Variants in CARMIL3 observed in about 807,000 individuals in gnomAD.
CARMIL3 encodes the protein capping protein, Arp2/3 and myosin-I linker protein 3.
Under a neutral mutation model 180.8 loss-of-function variants are expected in CARMIL3, and 88 were observed. The observed-to-expected ratio is 0.49, with a 90% CI of 0.41 to 0.58. The LOEUF (loss-of-function observed/expected upper bound fraction) is 0.58, where lower values mean the gene tolerates loss of function less well. Ranked by LOEUF, CARMIL3 falls within the 20% of genes least tolerant of loss-of-function variation. The pLI is 0.00. For synonymous variants in CARMIL3, 696 were observed against 714.5 expected (o/e 0.97, Z 0.41); for missense variants, 1,548 against 1,787.0 (o/e 0.87, Z 2.41).
At position 24,057,038 on chromosome 14, in the gene CARMIL3, A is replaced by T; in HGVS notation, c.1062+14A>T. The T allele has an allele frequency of 6.2e-7, 1 of 1,610,456 alleles. No individual in the cohort carries two copies. On this transcript the variant is annotated intron_variant, in intron 13 of 39. Transcript: ENST00000342740. ...GATGAGGCCAATGTGAGTCCTCAGA[A>T]CAGCCTCAGCCCCCTGCAGAAAGCA...
chr14:24,057,644 A>G (rs2138723455), intron 14 of CARMIL3, among the ~76,000 whole-genome samples, 159 bp from the exon 15 acceptor site: 1 of 152,056 alleles, frequency 6.6e-6, no homozygotes, highest in East Asian at 1.9e-4. Flanking sequence ...GAAAACAGAG[A>G]CTTCAAGAAT....
At position 24,059,970 on chromosome 14, in the gene CARMIL3, C is replaced by G; in HGVS notation, c.1869C>G (p.Ser623Arg). Reference sequence around the variant, plus strand: ...CCAGCTGTGCCCCTGTGTCCCACAGCAACCACACGCTGCGCTTCATGTCCT... The same window carrying G: ...CCAGCTGTGCCCCTGTGTCCCACAGGAACCACACGCTGCGCTTCATGTCCT... ...GFLDIARALE[S>R]NHTLRFMSFP... is the part of the protein sequence containing the mutation. The change falls in exon 23 of 40, where the codon AGC (serine) becomes AGG (arginine). Residue 623 changes from serine (S) to arginine (R), a missense_variant and splice_region_variant. Coordinates refer to ENST00000342740, the MANE Select transcript of CARMIL3 (RefSeq NM_138360.4). The surrounding 1 kb of genome is among the most constrained non-coding windows in gnomAD (Gnocchi z 6.3). 6.2e-7 allele frequency: 1 copy of G among 1,613,922 alleles called. No individual in the cohort carries two copies. Among genetic ancestry groups the G allele is most frequent in the Non-Finnish European group, 8.5e-7 (1 of 1,179,974 alleles).
chr14:24,060,606 C>T (rs765192773), intron 24 of CARMIL3, 22 bp from the exon 25 acceptor site: 5 of 1,611,628 alleles, frequency 3.1e-6, no homozygotes, highest in Non-Finnish European at 4.2e-6. Context: ...GTCCCCTTGA[C>T]ACCCCTGCCA....
At chr14:24,064,448 C>T in intron 32 of CARMIL3, 102 bp downstream of exon 32, 1 of 828,132 alleles carries the variant, frequency 1.2e-6, no homozygotes, top group Non-Finnish European at 2.0e-6. Context: ...ACAGCAGTGC[C>T]CAAAGCCAGT....
chr14:24,060,314 GT>G, intron 24 of CARMIL3, 59 bp downstream of exon 24: 1 of 1,581,752 alleles, frequency 6.3e-7, no homozygotes, highest in Non-Finnish European at 8.7e-7. Flanking sequence ...ACAGTGTGAT[GT>G]GATGGAAAAT....
Position 24,058,248 on chromosome 14 carries a change from T to G in CARMIL3, c.1392+24T>G. ...AGGTGAGCCCTCAGTCCCCAACCCCTCTGCCCGCCTCCGATCCATGTGCAT... is the reference window on the plus strand; with the variant it reads ...AGGTGAGCCCTCAGTCCCCAACCCCGCTGCCCGCCTCCGATCCATGTGCAT... On this transcript the variant is annotated intron_variant, in intron 17 of 39. Coordinates refer to ENST00000342740, the MANE Select transcript of CARMIL3 (RefSeq NM_138360.4). The surrounding 1 kb of genome is among the most constrained non-coding windows in gnomAD (Gnocchi z 6.4). 6.2e-7 allele frequency: 1 copy of G among 1,606,178 alleles called. No individual in the cohort carries two copies. The highest frequency in any genetic ancestry group is 8.5e-7 in the Non-Finnish European group (1 of 1,176,304).
Position 24,059,471 on chromosome 14 carries a change from T to TGGAGCCCCAGCCCC in CARMIL3, c.1799+30_1799+43dup. On this transcript the variant is annotated intron_variant, in intron 21 of 39. Transcript: ENST00000342740. This position sits in a 1 kb window ranked among gnomAD's most constrained non-coding sequence, Gnocchi z 6.3. ...GGGCCCACACCGGGACCCCCTGACC[T>TGGAGCCCCAGCCCC]GGAGCCCCAGCCCCTCCCCATATGT... 5 of 1,551,612 alleles carry TGGAGCCCCAGCCCC rather than the reference T, an allele frequency of 3.2e-6. No homozygotes were observed. The South Asian group carries it at 5.9e-5, about 18-fold the overall frequency.
At position 24,055,576 on chromosome 14, in the gene CARMIL3, C is replaced by T. The variant is rs1335081097; in HGVS notation, c.639C>T (p.Tyr213=). The change falls in exon 9 of 40, where the codon TAC becomes TAT. Residue 213 remains tyrosine (Y), a synonymous_variant. Coordinates refer to ENST00000342740, the MANE Select transcript of CARMIL3 (RefSeq NM_138360.4). ...CCCTAATGGTAGCAGCCCTGGCCTACAACCAGTGGTTCACCAAACTCTACT... is the reference window on the plus strand; with the variant it reads ...CCCTAATGGTAGCAGCCCTGGCCTATAACCAGTGGTTCACCAAACTCTACT... ...DLALMVAALA[Y]NQWFTKLYCK... 2.0e-5 allele frequency: 32 copies of T among 1,614,068 alleles called. No individual in the cohort carries two copies. Among genetic ancestry groups the T allele is most frequent in the Non-Finnish European group, 2.5e-5 (29 of 1,180,032 alleles).
At position 24,059,580 on chromosome 14, in the gene CARMIL3, TA is replaced by T. The variant is rs1426228521; in HGVS notation, c.1800-83del. 6.4e-7 allele frequency: 1 copy of T among 1,556,196 alleles called. No individual in the cohort carries two copies. Among genetic ancestry groups the T allele is most frequent in the East Asian group, 2.3e-5 (1 of 43,144 alleles). The stretch of plus-strand genomic sequence containing the variant: ...CCCAGAACCATCTCTGAGTCAGCCT[TA>T]TTGCCCCAAGAGGTTTGTGTCCCTG... On this transcript the variant is annotated intron_variant, in intron 21 of 39. Coordinates refer to ENST00000342740, the MANE Select transcript of CARMIL3 (RefSeq NM_138360.4). The surrounding 1 kb of genome is among the most constrained non-coding windows in gnomAD (Gnocchi z 6.3).
intron 24 of CARMIL3, 140 bp downstream of exon 24, chr14:24,060,395 G>A: frequency 8.9e-7 from 1 of 1,123,276 alleles, no homozygotes; most frequent in Non-Finnish European, 1.3e-6. Context: ...GAAGCAAAAA[G>A]AGAGGACATG....
In CARMIL3 at chr14:24,062,340, TCAG is replaced by T. The variant is rs2035740571; in HGVS notation, c.2481-135_2481-133del. 1.6e-5 allele frequency: 13 copies of T among 790,298 alleles called. No individual in the cohort carries two copies. The Admixed American group carries it at 2.4e-4, about 14-fold the overall frequency. The allele number at this position is 790,298 out of a possible 1,614,324, so 49.0% of individuals were successfully genotyped here. On this transcript the variant is annotated intron_variant, in intron 27 of 39. Coordinates refer to ENST00000342740, the MANE Select transcript of CARMIL3 (RefSeq NM_138360.4). ...AGTGTCAAGGGCTAGGCTGCCTCCT[TCAG>T]CAGCCACATGCGCTCCATGGGCAGA...
At chr14:24,052,376 C>T (rs1431852465) in intron 1 of CARMIL3, among the ~76,000 whole-genome samples, 183 bp downstream of exon 1, 1 of 152,232 alleles carries the variant, frequency 6.6e-6, no homozygotes, top group Admixed American at 6.5e-5. Flanking sequence ...CCGCTGCCTG[C>T]CTCGCCTCAC....
chr14:24,054,272 C>T lies in CARMIL3; in HGVS notation c.217C>T (p.Arg73Cys), dbSNP rs368259708. The T allele has an allele frequency of 2.5e-5, 40 of 1,614,062 alleles. No homozygotes were observed. In the African/African-American group the frequency reaches 2.7e-4, roughly 11 times the overall value. The change falls in exon 4 of 40, where the codon CGT becomes TGT. Residue 73 changes from arginine to cysteine, a missense_variant. By Grantham distance (180) the Arg-to-Cys change is radical. Coordinates refer to ENST00000342740, the MANE Select transcript of CARMIL3 (RefSeq NM_138360.4). This position sits in a 1 kb window ranked among gnomAD's most constrained non-coding sequence, Gnocchi z 5.1. ...VESSFNVLEIRAFNTLSQNQI... is the reference protein window; with the variant it reads ...VESSFNVLEICAFNTLSQNQI... ...GAGCTCCTTCAATGTCCTGGAGATC[C>T]GTGCCTTCAACACGCTCAGTCAGAA... is the stretch of plus-strand genomic sequence containing the variant.
intron 36 of CARMIL3, among the ~76,000 whole-genome samples, chr14:24,067,336 C>T (rs569094594): frequency 1.9e-4 from 29 of 152,386 alleles, no homozygotes; most frequent in African/African-American, 7.0e-4. Flanking sequence ...GCTCAGCATT[C>T]GCTCAGTCCA....
chr14:24,054,610 T>G lies in CARMIL3; in HGVS notation c.362+99T>G, dbSNP rs1481761435. On this transcript the variant is annotated intron_variant, in intron 5 of 39. Coordinates refer to ENST00000342740, the MANE Select transcript of CARMIL3 (RefSeq NM_138360.4). This position sits in a 1 kb window ranked among gnomAD's most constrained non-coding sequence, Gnocchi z 5.1. ...CCAGGGCTGAGAAGGAGAGCTCTCA[T>G]GTCCCCACTCCTGGTTTTTCCTGGG... is the stretch of plus-strand genomic sequence containing the variant. 6.7e-6 allele frequency: 10 copies of G among 1,494,032 alleles called. No individual in the cohort carries two copies. The highest frequency in any genetic ancestry group is 9.2e-6 in the Non-Finnish European group (10 of 1,089,766). 92.5% of individuals were successfully genotyped at this position (1,494,032 alleles called of 1,614,324 possible).
chr14:24,064,322 G>A lies in CARMIL3; in HGVS notation c.3056G>A (p.Arg1019Gln), dbSNP rs772051618. ...LDEGLEDFFS[R>Q]RVLEESSSYP... ...GAAGGGCTGGAGGACTTCTTCAGCC[G>A]AAGGGTCCTGGAGGAAAGTTCTAGG... Residue 1019 changes from arginine to glutamine, a missense_variant, in exon 32 of 40, where the codon CGA becomes CAA. Arg to Gln is a conservative substitution (Grantham distance 43). Transcript: ENST00000342740. The A allele has an allele frequency of 4.0e-5, 64 of 1,611,548 alleles. No individual in the cohort carries two copies. Among genetic ancestry groups the A allele is most frequent in the Non-Finnish European group, 5.3e-5 (63 of 1,178,764 alleles).
Position 24,054,609 on chromosome 14 carries a change from A to C in CARMIL3, c.362+98A>C, listed in dbSNP as rs1178076638. The C allele has an allele frequency of 6.7e-7, 1 of 1,494,354 alleles. No individual in the cohort carries two copies. The highest frequency in any genetic ancestry group is 2.3e-5 in the East Asian group (1 of 43,016). 92.6% of individuals were successfully genotyped at this position (1,494,354 alleles called of 1,614,324 possible). A position where few individuals can be genotyped will look rare whatever the true frequency, so the allele number is the denominator to read the frequency against. On this transcript the variant is annotated intron_variant, in intron 5 of 39. Transcript: ENST00000342740. The surrounding 1 kb of genome is among the most constrained non-coding windows in gnomAD (Gnocchi z 5.1). ...GCCAGGGCTGAGAAGGAGAGCTCTC[A>C]TGTCCCCACTCCTGGTTTTTCCTGG... is the stretch of plus-strand genomic sequence containing the variant.
chr14:24,059,857 C>A lies in CARMIL3; in HGVS notation c.1869-113C>A. 2 of 1,525,902 alleles carry A rather than the reference C, an allele frequency of 1.3e-6. No homozygotes were observed. The highest frequency in any genetic ancestry group is 2.7e-5 in the African/African-American group (2 of 73,052). 94.5% of individuals were successfully genotyped at this position (1,525,902 alleles called of 1,614,324 possible). A position where few individuals can be genotyped will look rare whatever the true frequency, so the allele number is the denominator to read the frequency against. On this transcript the variant is annotated intron_variant, in intron 22 of 39. Transcript: ENST00000342740. This position sits in a 1 kb window ranked among gnomAD's most constrained non-coding sequence, Gnocchi z 6.3. ...TTTGCACAGAAATTTTAGGAAGGGC[C>A]ATGGAAGACAGAAATGATGAGCAAG...
intron 10 of CARMIL3, 132 bp from the exon 11 acceptor site, chr14:24,056,167 A>G: frequency 1.4e-6 from 1 of 693,788 alleles, no homozygotes; most frequent in South Asian, 1.8e-5. Flanking sequence ...GCAGGCCCTG[A>G]GCTGTTCCCC....
Sources: allele counts gnomAD v4.1 joint callset (sites outside exome capture counted in the v4.1 genomes callset), GRCh38; gene constraint gnomAD v4.1.1; non-coding constraint Gnocchi (gnomAD v3.1); transcripts MANE v1.5; gene names NCBI Gene and HGNC (gene_info 2026-07-23, HGNC 2026-07-21).